LRRC4C: variants seen among roughly 807,000 people sequenced by gnomAD.
LRRC4C encodes leucine rich repeat containing 4C.
Under a neutral mutation model 33.6 loss-of-function variants are expected in LRRC4C, and 5 were observed. That is an observed-to-expected ratio of 0.15 (90% CI 0.08 to 0.31). LRRC4C has a LOEUF of 0.31. Ranked by LOEUF, LRRC4C falls within the 10% of genes least tolerant of loss-of-function variation. LRRC4C has a pLI of 1.00. For missense variants in LRRC4C, 560 were observed against 796.7 expected (o/e 0.70, Z 3.58); for synonymous variants, 329 against 302.0 (o/e 1.09, Z -0.93).
intron 3 of LRRC4C, among the ~76,000 whole-genome samples, chr11:40,550,154 G>T (rs774250677): frequency 6.6e-6 from 1 of 152,000 alleles, no homozygotes; most frequent in African/African-American, 2.4e-5. Context: ...AGGTCAACAA[G>T]CATATTCACT....
At chr11:40,240,978 A>T (rs1007346864) in intron 5 of LRRC4C, among the ~76,000 whole-genome samples, 1 of 152,214 alleles carries the variant, frequency 6.6e-6, no homozygotes, top group Non-Finnish European at 1.5e-5. Flanking sequence ...GCAAAATATT[A>T]ACTAAAACTT....
intron 3 of LRRC4C, among the ~76,000 whole-genome samples, chr11:40,524,625 T>C (rs1267541071): frequency 6.6e-6 from 1 of 152,204 alleles, no homozygotes; most frequent in South Asian, 2.1e-4. Context: ...GCTTCTGAAA[T>C]GGATAGAGGC....
intron 2 of LRRC4C, among the ~76,000 whole-genome samples, chr11:40,903,115 C>A (rs1035207872): frequency 1.3e-5 from 2 of 152,096 alleles, no homozygotes; most frequent in Non-Finnish European, 2.9e-5. Context: ...TCTCTTGTAA[C>A]AGGGCTAATG....
chr11:40,388,368 G>C (rs1311781037), intron 3 of LRRC4C, among the ~76,000 whole-genome samples: 1 of 152,142 alleles, frequency 6.6e-6, no homozygotes, highest in Non-Finnish European at 1.5e-5. Context: ...CCATAAAAGT[G>C]TCATCTGGTG....
intron 3 of LRRC4C, among the ~76,000 whole-genome samples, chr11:40,592,837 T>C (rs75395861): frequency 0.017 from 2,567 of 152,258 alleles, 91 homozygotes; most frequent in African/African-American, 0.058. Context: ...CTCTACTGGG[T>C]GTATCTTGTC....
Position 41,239,871 on chromosome 11 carries a change from G to A in LRRC4C, c.-496+219560C>T, listed in dbSNP as rs374933898. On this transcript the variant is annotated intron_variant, in intron 1 of 6. Coordinates refer to ENST00000528697, the MANE Select transcript of LRRC4C (RefSeq NM_001258419.2). ...AAAAGTAATCATCTATATTATTTTC[G>A]TTCATTCATCCTAACAATTGCATTT... is the stretch of plus-strand genomic sequence containing the variant. Among the ~76,000 whole-genome samples the A allele has an allele frequency of 2.6e-4, 40 of 152,064 alleles. 1 individual carries two copies. The South Asian group carries it at 6.2e-3, about 24-fold the overall frequency.
chr11:40,989,833 C>CTG (rs1716234881), intron 1 of LRRC4C, among the ~76,000 whole-genome samples: 1 of 151,672 alleles, frequency 6.6e-6, no homozygotes, highest in South Asian at 2.1e-4. Context: ...GCCTTCCCAT[C>CTG]CACAGATTAA....
intron 1 of LRRC4C, among the ~76,000 whole-genome samples, chr11:41,062,496 C>T (rs1937860064): frequency 6.6e-6 from 1 of 152,042 alleles, no homozygotes; most frequent in East Asian, 1.9e-4. Context: ...GCTGCTTGAC[C>T]AACAAATTTT....
intron 3 of LRRC4C, among the ~76,000 whole-genome samples, chr11:40,391,074 G>T (rs1231156284): frequency 2.0e-5 from 3 of 151,994 alleles, no homozygotes; most frequent in African/African-American, 7.2e-5. Flanking sequence ...TATAGATGGG[G>T]TTTCACCAGG....
chr11:40,587,246 G>T (rs1958799716), intron 3 of LRRC4C, among the ~76,000 whole-genome samples: 1 of 148,178 alleles, frequency 6.7e-6, no homozygotes, highest in African/African-American at 2.5e-5. Context: ...AATTGTGAAT[G>T]GGAGTTCACT....
intron 2 of LRRC4C, among the ~76,000 whole-genome samples, chr11:40,866,791 G>T (rs1954390279): frequency 6.6e-6 from 1 of 152,048 alleles, no homozygotes; most frequent in Non-Finnish European, 1.5e-5. Flanking sequence ...ATTATAAGGA[G>T]CTCCATAATA....
chr11:41,202,172 A>G (rs1946425968), intron 1 of LRRC4C, among the ~76,000 whole-genome samples: 1 of 152,144 alleles, frequency 6.6e-6, no homozygotes, highest in Non-Finnish European at 1.5e-5. Flanking sequence ...CAGCACTAGT[A>G]GGCTGATGGA....
intron 1 of LRRC4C, among the ~76,000 whole-genome samples, chr11:41,029,588 T>C (rs1247758061): frequency 6.6e-6 from 1 of 151,802 alleles, no homozygotes; most frequent in African/African-American, 2.4e-5. Context: ...TCATTTAACC[T>C]TGTAATTACA....
At chr11:40,420,056 G>T (rs1950468468) in intron 3 of LRRC4C, among the ~76,000 whole-genome samples, 1 of 152,128 alleles carries the variant, frequency 6.6e-6, no homozygotes, top group Admixed American at 6.6e-5. Flanking sequence ...CAACACCTGG[G>T]GCATTCTAGC....
At chr11:40,606,778 G>A (rs986227580) in intron 3 of LRRC4C, among the ~76,000 whole-genome samples, 3 of 151,898 alleles carry the variant, frequency 2.0e-5, no homozygotes, top group Non-Finnish European at 4.4e-5. Flanking sequence ...ATGAAAGGAG[G>A]AGAAAGCTAT....
chr11:40,697,983 G>A (rs1945661327), intron 2 of LRRC4C, among the ~76,000 whole-genome samples: 1 of 151,064 alleles, frequency 6.6e-6, no homozygotes. Context: ...CAGGATAATG[G>A]CATGAACCCG....
intron 3 of LRRC4C, among the ~76,000 whole-genome samples, chr11:40,542,066 C>CTT (rs1246013641): frequency 6.6e-6 from 1 of 150,410 alleles, no homozygotes; most frequent in African/African-American, 2.4e-5. Flanking sequence ...TTCTTTCTTT[C>CTT]TCTCTCTCTT....
chr11:40,128,174 A>G (rs1265061355), intron 6 of LRRC4C, among the ~76,000 whole-genome samples: 1 of 152,174 alleles, frequency 6.6e-6, no homozygotes, highest in East Asian at 1.9e-4. Context: ...AATACAATAA[A>G]TAGACATTGT....
intron 3 of LRRC4C, among the ~76,000 whole-genome samples, chr11:40,625,828 AC>A (rs1360791642): frequency 6.6e-6 from 1 of 152,012 alleles, no homozygotes; most frequent in Non-Finnish European, 1.5e-5. Context: ...ACTATAACAA[AC>A]CTTTTCCAAA....
Sources: gnomAD v4.1 joint callset for allele counts (sites outside exome capture counted in the v4.1 genomes callset) on GRCh38, gnomAD v4.1.1 for gene constraint, MANE v1.5 for transcripts, NCBI Gene and HGNC (gene_info 2026-07-23, HGNC 2026-07-21) for gene names.